The following NFX1 variants were observed in gnomAD, a reference collection of about 807,000 sequenced individuals.
NFX1 encodes nuclear transcription factor, X-box binding 1.
A neutral mutation model predicts 137.2 loss-of-function variants in NFX1; 69 were observed. The ratio of observed to expected loss-of-function variants is 0.50; its 90% CI spans 0.41 to 0.61. The LOEUF (loss-of-function observed/expected upper bound fraction) is 0.61. Among genes scored for constraint, NFX1 ranks in the 20% least tolerant of loss-of-function variants. The probability of loss-of-function intolerance (pLI) is 0.00; values close to 1 mark genes in which losing one functional copy is unlikely to be tolerated. For missense variants in NFX1, 1,167 were observed against 1,391.0 expected (o/e 0.84, Z 2.56); for synonymous variants, 495 against 474.1 (o/e 1.04, Z -0.57).
chr9:33,325,392 G>A (rs776151437), intron 9 of NFX1, among the ~76,000 whole-genome samples: 2 of 144,194 alleles, frequency 1.4e-5, no homozygotes, highest in African/African-American at 2.5e-5. Context: ...GGCCGGGCGC[G>A]GTGGCTCACG....
rs193235091 is a variant in NFX1 at position 33,356,608 on chromosome 9, C to G, written c.2873+1716C>G. ...GGCAATGACAATATTCTGTTATTAT[C>G]TAGAAACTGTGTTATTTTACCTTTC... is the stretch of plus-strand genomic sequence containing the variant. On this transcript the variant is annotated intron_variant, in intron 19 of 23. Transcript: ENST00000379540. Among the ~76,000 whole-genome samples the G allele has an allele frequency of 4.6e-5, 7 of 152,262 alleles. No individual in the cohort carries two copies. In the East Asian group the frequency reaches 1.4e-3, roughly 29 times the overall value.
rs1823676881 is a variant in NFX1 at position 33,352,626 on chromosome 9, C to G, written c.2656-20C>G. 24 of 1,611,486 alleles carry G rather than the reference C, an allele frequency of 1.5e-5. No individual in the cohort carries two copies. In the East Asian group the frequency reaches 4.9e-4, roughly 33 times the overall value. The stretch of plus-strand genomic sequence containing the variant: ...TAGTTCCAGTGTGCTAAAAGTCGTT[C>G]CATGTTCATCTGACTTCAGGTAGAG... On this transcript the variant is annotated intron_variant, in intron 16 of 23. Transcript: ENST00000379540.
intron 11 of NFX1, 113 bp downstream of exon 11, chr9:33,332,615 G>T (rs1822848944): frequency 5.8e-6 from 4 of 695,494 alleles, no homozygotes; most frequent in Non-Finnish European, 7.3e-6. Context: ...GCATACTTAA[G>T]ATTTGTGGTA....
intron 15 of NFX1, 124 bp from the exon 16 acceptor site, chr9:33,351,436 C>T (rs1823631621): frequency 1.5e-5 from 13 of 887,724 alleles, no homozygotes; most frequent in Admixed American, 2.1e-5. Context: ...ACAGTGAAAC[C>T]CTATATCCGA....
At chr9:33,330,037 A>G (rs959176133) in intron 10 of NFX1, among the ~76,000 whole-genome samples, 1 of 151,246 alleles carries the variant, frequency 6.6e-6, no homozygotes, top group East Asian at 1.9e-4. Context: ...CAGGTAATCT[A>G]CCCGCCTCAG....
rs1821306325 is a variant in NFX1, at chr9:33,295,107, A to C, written c.713A>C (p.Gln238Pro). ...LDGYGARRNE[Q>P]RRYPQKRPPW... The stretch of plus-strand genomic sequence containing the variant: ...GGGTATGGAGCCAGACGAAATGAGC[A>C]GAGAAGATACCCACAGAAAAGGCCT... Residue 238 changes from glutamine (Q) to proline (P), a missense_variant, in exon 2 of 24, where the codon CAG becomes CCG. By Grantham distance (76) the Gln-to-Pro change is moderately conservative (BLOSUM62 -1). Coordinates refer to ENST00000379540, the MANE Select transcript of NFX1 (RefSeq NM_002504.6). 3 of 1,614,206 alleles carry C rather than the reference A, an allele frequency of 1.9e-6. No homozygotes were observed. In the East Asian group the frequency reaches 6.7e-5, roughly 36 times the overall value.
chr9:33,319,428 T>C (rs1321913267), intron 9 of NFX1, among the ~76,000 whole-genome samples: 1 of 152,188 alleles, frequency 6.6e-6, no homozygotes, highest in Non-Finnish European at 1.5e-5. Context: ...ATGAACACTA[T>C]ATGTATTTAT....
In NFX1 at chr9:33,294,304, C is replaced by G. The variant is rs1821265229; in HGVS notation, c.26-116C>G. On this transcript the variant is annotated intron_variant, in intron 1 of 23. Coordinates refer to ENST00000379540, the MANE Select transcript of NFX1 (RefSeq NM_002504.6). ...CACTGGAAACATAGTTCTTACTTAA[C>G]AGCATGTTTTATACAAAGTTCTAAG... 5 of 934,990 alleles carry G rather than the reference C, an allele frequency of 5.3e-6. No homozygotes were observed. The East Asian group carries it at 1.2e-4, about 23-fold the overall frequency. The allele number at this position is 934,990 out of a possible 1,614,324, so 57.9% of individuals were successfully genotyped here. A position where few individuals can be genotyped will look rare whatever the true frequency, so the allele number is the denominator to read the frequency against.
chr9:33,362,897 T>C (rs1032642686), intron 19 of NFX1, among the ~76,000 whole-genome samples: 1 of 151,534 alleles, frequency 6.6e-6, no homozygotes, highest in African/African-American at 2.4e-5. Context: ...AGAGACGAGG[T>C]TTCTCCATGT....
At chr9:33,353,983 C>T in intron 17 of NFX1, 103 bp from the exon 18 acceptor site, 1 of 1,074,728 alleles carries the variant, frequency 9.3e-7, no homozygotes, top group South Asian at 1.7e-5. Flanking sequence ...AGCCACCACA[C>T]CTGGCCTAGA....
Position 33,332,556 on chromosome 9 carries a change from T to G in NFX1, c.2035+54T>G, listed in dbSNP as rs553752052. 2.4e-5 allele frequency: 32 copies of G among 1,323,308 alleles called. No individual in the cohort carries two copies. The South Asian group carries it at 3.8e-4, about 16-fold the overall frequency. The allele number at this position is 1,323,308 out of a possible 1,614,324, so 82.0% of individuals were successfully genotyped here. ...TTCTGGGGTGAAAGTGTCGTCACTC[T>G]GAATCTTGTTAGGGAGTTGGGTTAT... On this transcript the variant is annotated intron_variant, in intron 11 of 23. Coordinates refer to ENST00000379540, the MANE Select transcript of NFX1 (RefSeq NM_002504.6).
In NFX1 at chr9:33,301,245, A is replaced by T. The variant is rs778396783; in HGVS notation, c.1034-18A>T. 1.2e-6 allele frequency: 2 copies of T among 1,606,112 alleles called. No individual in the cohort carries two copies. Among genetic ancestry groups the T allele is most frequent in the Admixed American group, 1.7e-5 (1 of 58,468 alleles). On this transcript the variant is annotated intron_variant, in intron 2 of 23. Transcript: ENST00000379540. ...TGTGTTTGAGTTAATCTTTTTTGTTATTTTGTTTTTTAAACAGGTTCTCTA... is the reference window on the plus strand; with the variant it reads ...TGTGTTTGAGTTAATCTTTTTTGTTTTTTTGTTTTTTAAACAGGTTCTCTA...
chr9:33,293,482 G>A (rs528140592), intron 1 of NFX1, among the ~76,000 whole-genome samples: 1 of 152,312 alleles, frequency 6.6e-6, no homozygotes, highest in East Asian at 1.9e-4. Flanking sequence ...CTTTGATATA[G>A]AGGTTGTTAC....
intron 11 of NFX1, 66 bp downstream of exon 11, chr9:33,332,568 G>A: frequency 1.2e-5 from 15 of 1,224,840 alleles, no homozygotes; most frequent in Non-Finnish European, 1.8e-5. Flanking sequence ...AATCTTGTTA[G>A]GGAGTTGGGT....
In NFX1 at chr9:33,332,508, A is replaced by G. The variant is rs1483427553; in HGVS notation, c.2035+6A>G. On this transcript the variant is annotated splice_donor_region_variant and intron_variant, in intron 11 of 23. Coordinates refer to ENST00000379540, the MANE Select transcript of NFX1 (RefSeq NM_002504.6). ...TACCAGTCTCAAAAGTGAAGGTATGACTGGGGTGGGGCATGAGGGAATTTC... is the reference window on the plus strand; with the variant it reads ...TACCAGTCTCAAAAGTGAAGGTATGGCTGGGGTGGGGCATGAGGGAATTTC... 4 of 1,574,222 alleles carry G rather than the reference A, an allele frequency of 2.5e-6. 1 individual carries two copies. The South Asian group carries it at 3.4e-5, about 14-fold the overall frequency.
intron 6 of NFX1, among the ~76,000 whole-genome samples, chr9:33,312,230 A>T (rs1821987769): frequency 6.6e-6 from 1 of 152,106 alleles, no homozygotes; most frequent in Non-Finnish European, 1.5e-5. Context: ...AAGTGTTTTG[A>T]CTCAGAAAGG....
intron 6 of NFX1, among the ~76,000 whole-genome samples, chr9:33,312,578 G>T (rs904239988): frequency 6.6e-6 from 1 of 152,214 alleles, no homozygotes; most frequent in African/African-American, 2.4e-5. Flanking sequence ...TTGTCTAAAA[G>T]TACTTTTTGC....
intron 23 of NFX1, among the ~76,000 whole-genome samples, chr9:33,368,950 G>A (rs1294937018): frequency 6.6e-6 from 1 of 152,206 alleles, no homozygotes; most frequent in Non-Finnish European, 1.5e-5. Flanking sequence ...AATCCATATG[G>A]GCGGTCACTT....
intron 9 of NFX1, among the ~76,000 whole-genome samples, chr9:33,326,910 G>A (rs1410664297): frequency 6.6e-6 from 1 of 152,136 alleles, no homozygotes; most frequent in Non-Finnish European, 1.5e-5. Flanking sequence ...GTATCTTACT[G>A]GAGTTAGTAT....
Sources: allele counts gnomAD v4.1 joint callset (sites outside exome capture counted in the v4.1 genomes callset), GRCh38; gene constraint gnomAD v4.1.1; transcripts MANE v1.5; gene names NCBI Gene and HGNC (gene_info 2026-07-23, HGNC 2026-07-21).